Variants in ATAD3A observed in about 807,000 individuals in gnomAD.
The protein encoded by ATAD3A is ATPase family AAA domain containing 3A.
ATAD3A carries 46 observed loss-of-function variants against 73.8 expected under a neutral mutation model. The observed-to-expected ratio is 0.62, with a 90% CI of 0.49 to 0.80. The LOEUF is 0.80. ATAD3A is among the 30% of genes least tolerant of loss of function. The pLI, the probability that ATAD3A is intolerant of heterozygous loss-of-function variation, is 0.00. For missense variants in ATAD3A, 705 were observed against 838.0 expected (o/e 0.84, Z 1.96); for synonymous variants, 319 against 350.0 (o/e 0.91, Z 0.99).
intron 14 of ATAD3A, among the ~76,000 whole-genome samples, chr1:1,528,374 C>T (rs1347036386): frequency 7.5e-5 from 11 of 147,246 alleles, no homozygotes; most frequent in Non-Finnish European, 1.5e-4. Context: ...CTGAGACCCC[C>T]GTGTCGGGAT....
intron 11 of ATAD3A, 124 bp from the exon 12 acceptor site, chr1:1,525,116 T>C (rs1194790015): frequency 3.8e-5 from 50 of 1,326,186 alleles, no homozygotes; most frequent in African/African-American, 1.7e-4. Flanking sequence ...TTAGGGCTGC[T>C]GATGGGGCAG....
chr1:1,525,138 G>A lies in ATAD3A; in HGVS notation c.1215-102G>A, dbSNP rs991393162. The A allele has an allele frequency of 1.9e-5, 28 of 1,500,356 alleles. No individual in the cohort carries two copies. The Admixed American group carries it at 2.0e-4, about 11-fold the overall frequency. The allele number at this position is 1,500,356 out of a possible 1,614,324, so 92.9% of individuals were successfully genotyped here. On this transcript the variant is annotated intron_variant, in intron 11 of 15. Transcript: ENST00000378756. Reference sequence around the variant, plus strand: ...TGCTGATGGGGCAGAGCCTGACCCCGTGGGGATCTGCCTGCTTGGCCTGCT... The same window carrying A: ...TGCTGATGGGGCAGAGCCTGACCCCATGGGGATCTGCCTGCTTGGCCTGCT...
At chr1:1,526,386 C>T (rs1268731986) in intron 12 of ATAD3A, 75 bp from the exon 13 acceptor site, 8 of 1,564,806 alleles carry the variant, frequency 5.1e-6, no homozygotes, top group Non-Finnish European at 6.9e-6. Context: ...AGGAGGGAGG[C>T]CTGTGGGACT....
At position 1,523,315 on chromosome 1, in the gene ATAD3A, G is replaced by A. The variant is rs750448418; in HGVS notation, c.907-196G>A. Among the ~76,000 whole-genome samples the A allele has an allele frequency of 6.6e-6, 1 of 152,152 alleles. No individual in the cohort carries two copies. The highest frequency in any genetic ancestry group is 1.9e-4 in the East Asian group (1 of 5,196). On this transcript the variant is annotated intron_variant, in intron 8 of 15. Coordinates refer to ENST00000378756, the MANE Select transcript of ATAD3A (RefSeq NM_001170535.3). This position sits in a 1 kb window ranked among gnomAD's most constrained non-coding sequence, Gnocchi z 5.1. ...GGTTAAGAAAATAAAAGCCAATAAG[G>A]AACCGGAAAATGCCCCTAATCCCAG...
intron 14 of ATAD3A, 84 bp from the exon 15 acceptor site, chr1:1,529,139 G>T: frequency 3.2e-6 from 5 of 1,562,198 alleles, no homozygotes; most frequent in Non-Finnish European, 4.3e-6. Flanking sequence ...CGTGGGTGTC[G>T]GCCTCGCTGC....
intron 4 of ATAD3A, among the ~76,000 whole-genome samples, chr1:1,518,530 C>CCA (rs1347290840): frequency 2.3e-4 from 26 of 115,032 alleles, no homozygotes; most frequent in African/African-American, 6.8e-4. Context: ...CGCACAGACC[C>CCA]CACACACACA....
At position 1,525,546 on chromosome 1, in the gene ATAD3A, C is replaced by T. The variant is rs541938698; in HGVS notation, c.1266+255C>T. On this transcript the variant is annotated intron_variant, in intron 12 of 15. Coordinates refer to ENST00000378756, the MANE Select transcript of ATAD3A (RefSeq NM_001170535.3). ...TCTCCCGCCTCAGCCTCCCAAGTAG[C>T]TGGGACTACAGGCTCCCGCCACCAC... is the stretch of plus-strand genomic sequence containing the variant. 2.0e-5 allele frequency among the ~76,000 whole-genome samples: 3 copies of T among 151,744 alleles called. No homozygotes were observed. In the East Asian group the frequency reaches 5.8e-4, roughly 29 times the overall value.
chr1:1,530,141 C>T (rs764369429), intron 15 of ATAD3A, among the ~76,000 whole-genome samples: 1 of 152,202 alleles, frequency 6.6e-6, no homozygotes, highest in Non-Finnish European at 1.5e-5. Context: ...GGTTATGCCA[C>T]TGTGACAAAG....
intron 1 of ATAD3A, 100 bp from the exon 2 acceptor site, chr1:1,515,912 C>T (rs1570319616): frequency 2.3e-5 from 32 of 1,378,616 alleles, no homozygotes; most frequent in South Asian, 2.3e-4. Context: ...GAGGTCGAGG[C>T]GTGGCCGTGG....
chr1:1,525,421 T>C (rs1234034621), intron 12 of ATAD3A, 130 bp downstream of exon 12: 4 of 1,276,446 alleles, frequency 3.1e-6, no homozygotes, highest in Non-Finnish European at 4.3e-6. Context: ...AGCTTTTTTT[T>C]TTTTTTTTTT....
chr1:1,531,830 C>A (rs1642045052), intron 15 of ATAD3A, among the ~76,000 whole-genome samples: 2 of 150,288 alleles, frequency 1.3e-5, no homozygotes, highest in Non-Finnish European at 3.0e-5. Context: ...CACGGTGGCT[C>A]ACACCTGTAA....
chr1:1,533,971 A>G lies in ATAD3A; in HGVS notation c.1660A>G (p.Met554Val), dbSNP rs1557484084. Residue 554 changes from methionine to valine, a missense_variant, in exon 16 of 16, where the codon ATG (methionine) becomes GTG (valine). Physicochemically the swap from Met to Val is conservative, Grantham distance 21. Around this residue, in one of 5 missense-constraint regions of ATAD3A, gnomAD observed 252 missense variants for 278.5 expected, o/e 0.90. Coordinates refer to ENST00000378756, the MANE Select transcript of ATAD3A (RefSeq NM_001170535.3). ...GGACGGGGTCCTGACCGAGGCCATG[A>G]TGGACACCCGCGTGCAAGATGCTGT... ...SEDGVLTEAM[M>V]DTRVQDAVQQ... 2.5e-6 allele frequency: 4 copies of G among 1,613,452 alleles called. No homozygotes were observed. Among genetic ancestry groups the G allele is most frequent in the Non-Finnish European group, 3.4e-6 (4 of 1,179,930 alleles).
chr1:1,528,690 C>T (rs374223864), intron 14 of ATAD3A, among the ~76,000 whole-genome samples: 9 of 152,258 alleles, frequency 5.9e-5, no homozygotes, highest in South Asian at 2.1e-4. Context: ...TGGCGTCCCC[C>T]GGGCCCCGGT....
intron 5 of ATAD3A, among the ~76,000 whole-genome samples, chr1:1,519,913 A>G (rs1641519884): frequency 6.6e-6 from 1 of 152,006 alleles, no homozygotes; most frequent in South Asian, 2.1e-4. Context: ...CCGTGGCCTT[A>G]GCCTATTGGC....
intron 5 of ATAD3A, 122 bp downstream of exon 5, chr1:1,519,112 C>T: frequency 1.9e-6 from 3 of 1,568,062 alleles, no homozygotes; most frequent in Non-Finnish European, 2.6e-6. Context: ...GTGGGCGAGG[C>T]CTGCTGGGGC....
At position 1,520,801 on chromosome 1, in the gene ATAD3A, C is replaced by T. The variant is rs372016726; in HGVS notation, c.750+184C>T. Among the ~76,000 whole-genome samples, 7 of 152,308 alleles carry T rather than the reference C, an allele frequency of 4.6e-5. No individual in the cohort carries two copies. Among genetic ancestry groups the T allele is most frequent in the Admixed American group, 2.0e-4 (3 of 15,290 alleles). ...CCCTTCTCAAGCTGGGAGAAGAAAA[C>T]GCAGTTGCCAGCCTGGGCCACACAG... On this transcript the variant is annotated intron_variant, in intron 7 of 15. Transcript: ENST00000378756. The surrounding 1 kb of genome is among the most constrained non-coding windows in gnomAD (Gnocchi z 4.0).
At chr1:1,517,893 G>A (rs903641824) in intron 4 of ATAD3A, 118 bp downstream of exon 4, 20 of 1,472,568 alleles carry the variant, frequency 1.4e-5, no homozygotes, top group Non-Finnish European at 1.7e-5. Context: ...GACGGTGGGT[G>A]CTAGAGCAGG....
intron 5 of ATAD3A, among the ~76,000 whole-genome samples, chr1:1,519,203 G>C (rs1473120371): frequency 6.6e-6 from 1 of 150,602 alleles, no homozygotes; most frequent in Non-Finnish European, 1.5e-5. Flanking sequence ...GGCAGGAGCT[G>C]CTTCACTTCA....
chr1:1,519,471 GC>G (rs1307988090), intron 5 of ATAD3A, among the ~76,000 whole-genome samples: 6 of 66,592 alleles, frequency 9.0e-5, no homozygotes, highest in African/African-American at 3.3e-4. Context: ...CTCATTATCC[GC>G]CTGCCTTGGC....
Sources: allele counts gnomAD v4.1 joint callset (sites outside exome capture counted in the v4.1 genomes callset), GRCh38; gene constraint gnomAD v4.1.1; regional missense constraint gnomAD v4.1.1; non-coding constraint Gnocchi (gnomAD v3.1); transcripts MANE v1.5; gene names NCBI Gene and HGNC (gene_info 2026-07-23, HGNC 2026-07-21).